Variants in RHCE observed in about 807,000 individuals in gnomAD.
RHCE encodes Rh blood group CcEe antigens, also known as blood group Rh(CE) polypeptide.
A neutral mutation model predicts 43.8 loss-of-function variants in RHCE; 22 were observed. That is an observed-to-expected ratio of 0.50 (90% CI 0.36 to 0.72). The LOEUF is 0.72. Ranked by LOEUF, RHCE falls within the 30% of genes least tolerant of loss-of-function variation. RHCE has a pLI of 0.00. For synonymous variants in RHCE, 156 were observed against 210.7 expected, an observed-to-expected ratio of 0.74 and a Z score of 2.25; for missense variants, 385 against 525.4, an observed-to-expected ratio of 0.73 and a Z score of 2.61.
chr1:25,397,415 T>C (rs1571883799), intron 3 of RHCE, among the ~76,000 whole-genome samples: 5 of 151,664 alleles, frequency 3.3e-5, no homozygotes, highest in Admixed American at 3.3e-4. Flanking sequence ...GAGAATCACT[T>C]GAACCTGGAA....
chr1:25,425,630 A>G (rs1475023866), upstream of RHCE, among the ~76,000 whole-genome samples: 1 of 152,254 alleles, frequency 6.6e-6, no homozygotes. Flanking sequence ...ACGGAAATGA[A>G]GCTGAGCAAG....
chr1:25,384,412 C>T (rs1383965392), intron 7 of RHCE, among the ~76,000 whole-genome samples: 4 of 151,936 alleles, frequency 2.6e-5, no homozygotes, highest in African/African-American at 4.8e-5. Flanking sequence ...TTCTAACTTC[C>T]CCTGCCTGTT....
intron 1 of RHCE, chr1:25,429,069 G>A (rs1364879586): frequency 6.6e-6 from 1 of 152,236 alleles, no homozygotes; most frequent in Non-Finnish European, 1.5e-5. Flanking sequence ...TTTGTGAGCA[G>A]AAGAAAGTAA....
chr1:25,415,328 T>C (rs1295170176), intron 1 of RHCE, among the ~76,000 whole-genome samples: 15 of 152,172 alleles, frequency 9.9e-5, no homozygotes, highest in Admixed American at 9.2e-4. Context: ...GCAATTCTAG[T>C]TTTATTTATT....
intron 3 of RHCE, among the ~76,000 whole-genome samples, chr1:25,394,467 T>G (rs1646480598): frequency 6.6e-6 from 1 of 152,130 alleles, no homozygotes; most frequent in African/African-American, 2.4e-5. Flanking sequence ...AAGCTGCCCC[T>G]GGCCACCCCC....
chr1:25,413,090 C>T lies in RHCE; in HGVS notation c.149-4221G>A, dbSNP rs1647148169. Among the ~76,000 whole-genome samples, 3 of 152,088 alleles carry T rather than the reference C, an allele frequency of 2.0e-5. 1 individual carries two copies. Among genetic ancestry groups the T allele is most frequent in the Non-Finnish European group, 4.4e-5 (3 of 68,016 alleles). ...GGGCTTTATCGGGCACAGCTGCTGC[C>T]CCTGATCCCGATTCCCTGATTCCAG... On this transcript the variant is annotated intron_variant, in intron 1 of 9. Transcript: ENST00000294413.
At chr1:25,420,228 C>A (rs685085) in intron 1 of RHCE, among the ~76,000 whole-genome samples, 27 of 152,188 alleles carry the variant, frequency 1.8e-4, no homozygotes, top group African/African-American at 6.3e-4. Flanking sequence ...GGAAACAAAA[C>A]CCGAAAACCC....
In RHCE at chr1:25,379,475, ATATATATATATATATATATATTTTTTT is replaced by A. The variant is rs1396564711; in HGVS notation, c.1074-4074_1074-4048del. Among the ~76,000 whole-genome samples the A allele has an allele frequency of 1.9e-3, 24 of 12,692 alleles. 1 individual carries two copies. Among genetic ancestry groups the A allele is most frequent in the African/African-American group, 3.8e-3 (22 of 5,746 alleles). The allele number at this position is 12,692 out of a possible 152,430, so 8.3% of individuals were successfully genotyped here. On this transcript the variant is annotated intron_variant, in intron 7 of 9. Transcript: ENST00000294413. ...AGTATATATATATATATATATATAT[ATATATATATATATATATATATTTTTTT>A]TTTTTTTTTTTTTTTTTTTAAAGAT... is the stretch of plus-strand genomic sequence containing the variant.
At chr1:25,369,023 AG>A (rs1645519938) in intron 9 of RHCE, among the ~76,000 whole-genome samples, 1 of 151,812 alleles carries the variant, frequency 6.6e-6, no homozygotes, top group Admixed American at 6.5e-5. Flanking sequence ...GGCCTCCCAA[AG>A]TGCTGGGATT....
intron 5 of RHCE, 136 bp downstream of exon 5, chr1:25,390,613 C>G: frequency 9.4e-7 from 1 of 1,062,928 alleles, no homozygotes; most frequent in Non-Finnish European, 1.4e-6. Context: ...TAGAGCTCCA[C>G]TGTAGAGGCA....
At chr1:25,403,176 C>A (rs1646811699) in intron 2 of RHCE, among the ~76,000 whole-genome samples, 1 of 152,164 alleles carries the variant, frequency 6.6e-6, no homozygotes, top group East Asian at 1.9e-4. Flanking sequence ...GTCACCCCAT[C>A]CTCATCTGGG....
chr1:25,370,541 C>G lies in RHCE; in HGVS notation c.1154-1G>C. 1 of 1,607,328 alleles carries G rather than the reference C, an allele frequency of 6.2e-7. No homozygotes were observed. Among genetic ancestry groups the G allele is most frequent in the Non-Finnish European group, 8.5e-7 (1 of 1,175,054 alleles). ...CATATTTTGAGATTTAGGAGCAAAC[C>G]TGTTTAAATGCATAATTTAATGTTA... On this transcript the variant is annotated splice_acceptor_variant, in intron 8 of 9. Transcript: ENST00000294413. LOFTEE classifies it high-confidence loss of function.
At chr1:25,421,727 T>C (rs1384119110), upstream of RHCE, among the ~76,000 whole-genome samples, 1 of 151,970 alleles carries the variant, frequency 6.6e-6, no homozygotes, top group East Asian at 1.9e-4. Flanking sequence ...GTCTGGTACA[T>C]GGTAAGTGTC....
intron 6 of RHCE, among the ~76,000 whole-genome samples, chr1:25,387,418 G>A (rs1444786539): frequency 6.6e-6 from 1 of 152,220 alleles, no homozygotes; most frequent in African/African-American, 2.4e-5. Context: ...TGAAAAGCAA[G>A]ATGAGTGTTA....
upstream of RHCE, among the ~76,000 whole-genome samples, chr1:25,424,875 G>T (rs2042793604): frequency 6.6e-6 from 1 of 151,788 alleles, no homozygotes; most frequent in Non-Finnish European, 1.5e-5. Context: ...GGAATGCAGT[G>T]GCACGATCTT....
rs370777713 is a variant in RHCE, at chr1:25,372,513, C to G, written c.1154-1973G>C. On this transcript the variant is annotated intron_variant, in intron 8 of 9. Transcript: ENST00000294413. ...CAGCCTGGGCAACAAGAGCAAAACT[C>G]CGTCTAAAAAAAAAAAAAAGAATTT... Among the ~76,000 whole-genome samples, 17 of 151,022 alleles carry G rather than the reference C, an allele frequency of 1.1e-4. No individual in the cohort carries two copies. In the East Asian group the frequency reaches 2.5e-3, roughly 22 times the overall value.
chr1:25,416,819 C>CGGG (rs71014361), intron 1 of RHCE, among the ~76,000 whole-genome samples: 3,613 of 116,514 alleles, frequency 0.031, 394 homozygotes, highest in African/African-American at 0.13. Flanking sequence ...TTAGAGATGG[C>CGGG]GGGGGGGGGT....
At chr1:25,427,275 C>T (rs2042811481) in intron 2 of RHCE, among the ~76,000 whole-genome samples, 1 of 152,178 alleles carries the variant, frequency 6.6e-6, no homozygotes, top group Non-Finnish European at 1.5e-5. Flanking sequence ...CTGTTCTGGG[C>T]TCAGCTGAAG....
intron 5 of RHCE, among the ~76,000 whole-genome samples, chr1:25,390,382 A>T (rs187608522): frequency 1.3e-5 from 2 of 152,070 alleles, no homozygotes; most frequent in East Asian, 3.9e-4. Flanking sequence ...CCATTCTTGA[A>T]ATTTGTTGGG....
Sources: gnomAD v4.1 joint callset for allele counts (sites outside exome capture counted in the v4.1 genomes callset) on GRCh38, gnomAD v4.1.1 for gene constraint, MANE v1.5 for transcripts, NCBI Gene and HGNC (gene_info 2026-07-23, HGNC 2026-07-21) for gene names.